The following ZNF250 variants were observed in gnomAD, a reference collection of about 807,000 sequenced individuals.
ZNF250 encodes zinc finger protein (clone 647).
ZNF250 carries 13 observed loss-of-function variants against 37.1 expected under a neutral mutation model. The ratio of observed to expected loss-of-function variants is 0.35; its 90% confidence interval spans 0.23 to 0.56. The LOEUF (loss-of-function observed/expected upper bound fraction) is 0.56. ZNF250 is among the 20% of genes least tolerant of loss of function. ZNF250 has a pLI of 0.87. For synonymous variants in ZNF250, 251 were observed against 265.6 expected (o/e 0.94, Z 0.54); for missense variants, 474 against 697.9 (o/e 0.68, Z 3.61).
chr8:144,889,052 G>A (rs1832121219), intron 4 of ZNF250, among the ~76,000 whole-genome samples: 1 of 152,210 alleles, frequency 6.6e-6, no homozygotes, highest in Non-Finnish European at 1.5e-5. Flanking sequence ...ACAGGCTTGA[G>A]CCACCACGCC....
rs1020956029 is a variant in ZNF250 at position 144,891,372 on chromosome 8, T to A, written c.-54-969A>T. Among the ~76,000 whole-genome samples, 2 of 152,064 alleles carry A rather than the reference T, an allele frequency of 1.3e-5. No individual in the cohort carries two copies. Among genetic ancestry groups the A allele is most frequent in the African/African-American group, 4.8e-5 (2 of 41,380 alleles). ...TGCTTTAAGAGTGACAAAATAGGTG[T>A]CAGGGCTGGGGGCAGAAGTCAAGGG... On this transcript the variant is annotated intron_variant, in intron 1 of 5. Transcript: ENST00000417550. The surrounding 1 kb of genome is among the most constrained non-coding windows in gnomAD (Gnocchi z 4.0).
intron 5 of ZNF250, among the ~76,000 whole-genome samples, chr8:144,885,698 T>C (rs980311297): frequency 2.0e-5 from 3 of 152,232 alleles, no homozygotes; most frequent in African/African-American, 7.2e-5. Flanking sequence ...TTTTTTAAAC[T>C]GATAGAAGTT....
chr8:144,883,626 C>A (rs531777074), intron 5 of ZNF250, among the ~76,000 whole-genome samples: 2 of 152,192 alleles, frequency 1.3e-5, no homozygotes, highest in African/African-American at 4.8e-5. Flanking sequence ...AGGCGTGAAC[C>A]ATCGGACCTG....
At position 144,882,341 on chromosome 8, in the gene ZNF250, A is replaced by G; in HGVS notation, c.842T>C (p.Leu281Pro). 6.2e-7 allele frequency: 1 copy of G among 1,613,856 alleles called. No individual in the cohort carries two copies. Among genetic ancestry groups the G allele is most frequent in the Non-Finnish European group, 8.5e-7 (1 of 1,179,844 alleles). The change falls in exon 6 of 6, where the codon CTT (leucine) becomes CCT (proline). Residue 281 changes from leucine to proline, a missense_variant. Transcript: ENST00000417550. This position sits in a 1 kb window ranked among gnomAD's most constrained non-coding sequence, Gnocchi z 5.5. ...IHTGEKPHEC[L>P]ECRKAFTQLS... is the part of the protein sequence containing the mutation. ...TTGAGTGAAGGCTTTCCGACACTCAAGACATTCGTGAGGCTTCTCTCCTGT... is the reference window on the plus strand; with the variant it reads ...TTGAGTGAAGGCTTTCCGACACTCAGGACATTCGTGAGGCTTCTCTCCTGT...
At chr8:144,883,416 T>C (rs930081702) in intron 5 of ZNF250, among the ~76,000 whole-genome samples, 8 of 151,958 alleles carry the variant, frequency 5.3e-5, no homozygotes, top group African/African-American at 1.7e-4. Flanking sequence ...CTCGGTTCAC[T>C]GCAACCCCCA....
rs571722789 is a variant in ZNF250 at position 144,890,244 on chromosome 8, G to C, written c.42+64C>G. On this transcript the variant is annotated intron_variant, in intron 2 of 5. Transcript: ENST00000417550. The surrounding 1 kb of genome is among the most constrained non-coding windows in gnomAD (Gnocchi z 5.1). ...CTCTGGCTGCTCTTAGGAGCTCTAC[G>C]GGGCACGGAAGGAACCACAGGGCTC... 1.3e-5 allele frequency: 20 copies of C among 1,525,388 alleles called. No homozygotes were observed. The East Asian group carries it at 2.6e-4, about 20-fold the overall frequency. 94.5% of individuals were successfully genotyped at this position (1,525,388 alleles called of 1,614,324 possible).
At chr8:144,888,953 A>G (rs10107601) in intron 4 of ZNF250, among the ~76,000 whole-genome samples, 43,370 of 151,924 alleles carry the variant, frequency 0.29, 7,317 homozygotes, top group South Asian at 0.45. Context: ...TATTTTTAGT[A>G]GAGACAGGGT....
intron 1 of ZNF250, among the ~76,000 whole-genome samples, chr8:144,899,532 G>T (rs2129913917): frequency 6.6e-6 from 1 of 152,128 alleles, no homozygotes; most frequent in South Asian, 2.1e-4. Flanking sequence ...CAATAAAAAA[G>T]AACTTTAATA....
In ZNF250 at chr8:144,890,612, C is replaced by T. The variant is rs1439162809; in HGVS notation, c.-54-209G>A. Among the ~76,000 whole-genome samples, 1 of 152,108 alleles carries T rather than the reference C, an allele frequency of 6.6e-6. No individual in the cohort carries two copies. Among genetic ancestry groups the T allele is most frequent in the Non-Finnish European group, 1.5e-5 (1 of 68,008 alleles). ...TTCAGGAGCCTGTCCAGGCCCTGAA[C>T]ACACAGTTCCTGGGCCTGCCCAGCT... On this transcript the variant is annotated intron_variant, in intron 1 of 5. Coordinates refer to ENST00000417550, the MANE Select transcript of ZNF250 (RefSeq NM_001109689.4). This position sits in a 1 kb window ranked among gnomAD's most constrained non-coding sequence, Gnocchi z 5.1.
chr8:144,898,333 A>T (rs1832861364), intron 1 of ZNF250, among the ~76,000 whole-genome samples: 1 of 151,996 alleles, frequency 6.6e-6, no homozygotes, highest in Non-Finnish European at 1.5e-5. Flanking sequence ...AAACAAAACA[A>T]AACAAAACAA....
At chr8:144,889,715 C>CT in intron 3 of ZNF250, 21 bp from the exon 4 acceptor site, 1 of 1,608,574 alleles carries the variant, frequency 6.2e-7, no homozygotes, top group Non-Finnish European at 8.5e-7. Context: ...GGAGGGAAGT[C>CT]TTTGTTTACA....
Position 144,882,337 on chromosome 8 carries a change from C to T in ZNF250, c.846G>A (p.Glu282=), listed in dbSNP as rs569264032. The T allele has an allele frequency of 1.2e-6, 2 of 1,613,932 alleles. No homozygotes were observed. The highest frequency in any genetic ancestry group is 2.2e-5 in the East Asian group (1 of 44,876). The stretch of plus-strand genomic sequence containing the variant: ...AGAGTTGAGTGAAGGCTTTCCGACA[C>T]TCAAGACATTCGTGAGGCTTCTCTC... ...HTGEKPHECL[E]CRKAFTQLSH... The change falls in exon 6 of 6, where the codon GAG becomes GAA. Residue 282 remains glutamate, a synonymous_variant. Coordinates refer to ENST00000417550, the MANE Select transcript of ZNF250 (RefSeq NM_001109689.4). The surrounding 1 kb of genome is among the most constrained non-coding windows in gnomAD (Gnocchi z 5.5).
At chr8:144,900,643 G>T (rs1190827227) in intron 1 of ZNF250, among the ~76,000 whole-genome samples, 1 of 152,120 alleles carries the variant, frequency 6.6e-6, no homozygotes, top group Non-Finnish European at 1.5e-5. Flanking sequence ...TTAAAATAGG[G>T]CTCTAACACA....
chr8:144,898,926 A>G (rs898755207), intron 1 of ZNF250, among the ~76,000 whole-genome samples: 8 of 152,236 alleles, frequency 5.3e-5, no homozygotes, highest in Admixed American at 3.3e-4. Context: ...AAGATATCTG[A>G]ACATACATGT....
At chr8:144,883,367 C>G (rs944230890) in intron 5 of ZNF250, among the ~76,000 whole-genome samples, 16 of 149,276 alleles carry the variant, frequency 1.1e-4, no homozygotes, top group African/African-American at 3.5e-4. Flanking sequence ...TGAGAAGGAG[C>G]CTTGCTCTGT....
chr8:144,882,656 C>T lies in ZNF250; in HGVS notation c.527G>A (p.Ser176Asn). The stretch of plus-strand genomic sequence containing the variant: ...GTGCGGAGTGAGTGGCATGCTTTGG[C>T]TTAAGACCTGAACTTCACGGTGGTC... ...SVDHREVQVL[S>N]QSMPLTPHQA... Residue 176 changes from serine (S) to asparagine (N), a missense_variant, in exon 6 of 6, where the codon AGC becomes AAC. Ser to Asn is a conservative substitution (Grantham distance 46, BLOSUM62 1). This residue lies in a region of ZNF250 where 192 missense variants were observed against 227.5 expected (regional missense o/e 0.84). Transcript: ENST00000417550. This position sits in a 1 kb window ranked among gnomAD's most constrained non-coding sequence, Gnocchi z 5.5. 1 of 1,613,992 alleles carries T rather than the reference C, an allele frequency of 6.2e-7. No individual in the cohort carries two copies. Among genetic ancestry groups the T allele is most frequent in the South Asian group, 1.1e-5 (1 of 91,078 alleles).
intron 1 of ZNF250, among the ~76,000 whole-genome samples, chr8:144,900,308 A>G (rs1481640271): frequency 6.6e-6 from 1 of 152,092 alleles, no homozygotes; most frequent in Admixed American, 6.5e-5. Flanking sequence ...TACGAACTGA[A>G]AAATCTGCGA....
At position 144,891,211 on chromosome 8, in the gene ZNF250, AAAG is replaced by A. The variant is rs1265571504; in HGVS notation, c.-54-811_-54-809del. Among the ~76,000 whole-genome samples the A allele has an allele frequency of 6.6e-6, 1 of 152,190 alleles. No homozygotes were observed. Among genetic ancestry groups the A allele is most frequent in the Non-Finnish European group, 1.5e-5 (1 of 68,042 alleles). ...GGTTCGCAGTCTTCTGGAGCATCAA[AAAG>A]AAGATACTGTGACAGGGATACAGAA... On this transcript the variant is annotated intron_variant, in intron 1 of 5. Coordinates refer to ENST00000417550, the MANE Select transcript of ZNF250 (RefSeq NM_001109689.4). The surrounding 1 kb of genome is among the most constrained non-coding windows in gnomAD (Gnocchi z 4.0).
At chr8:144,889,551 G>A in intron 4 of ZNF250, 30 bp downstream of exon 4, 2 of 1,577,394 alleles carry the variant, frequency 1.3e-6, no homozygotes, top group South Asian at 1.1e-5. Context: ...TTAGCCCTCA[G>A]TGAGGGAGGG....
Sources: gnomAD v4.1 joint callset for allele counts (sites outside exome capture counted in the v4.1 genomes callset) on GRCh38, gnomAD v4.1.1 for gene constraint, gnomAD v4.1.1 regional missense constraint, Gnocchi (gnomAD v3.1) non-coding constraint, MANE v1.5 for transcripts, NCBI Gene and HGNC (gene_info 2026-07-23, HGNC 2026-07-21) for gene names.